Variants in MET observed in about 807,000 individuals in gnomAD.
The protein encoded by MET is MET proto-oncogene, receptor tyrosine kinase.
Under a neutral mutation model 133.1 loss-of-function variants are expected in MET, and 48 were observed. The observed-to-expected ratio is 0.36, with a 90% confidence interval of 0.29 to 0.46. The LOEUF is 0.46. Among genes scored for constraint, MET ranks in the 20% least tolerant of loss-of-function variants. The pLI is 1.00. For synonymous variants in MET, 628 were observed against 616.5 expected (o/e 1.02, Z -0.28); for missense variants, 1,442 against 1,695.9 (o/e 0.85, Z 2.63).
intron 2 of MET, among the ~76,000 whole-genome samples, chr7:116,716,469 G>GAAAGAAAGAAAGAAAGAAAGA (rs1792221244): frequency 5.5e-5 from 1 of 18,190 alleles, no homozygotes; most frequent in African/African-American, 3.0e-4. Flanking sequence ...GAAAGAAAGA[G>GAAAGAAAGAAAGAAAGAAAGA]AAAGAAAGAA....
At chr7:116,758,762 G>T in intron 9 of MET, 142 bp downstream of exon 9, 1 of 784,014 alleles carries the variant, frequency 1.3e-6, no homozygotes, top group Non-Finnish European at 2.1e-6. Context: ...CAATTCAGGA[G>T]AGAAAACTAT....
chr7:116,677,967 CTT>C lies in MET; in HGVS notation c.-15+5392_-15+5393del, dbSNP rs1299730672. On this transcript the variant is annotated intron_variant, in intron 1 of 20. Transcript: ENST00000397752. Reference sequence around the variant, plus strand: ...ATAAACTCCCCCTTTGGAATATTGTCTTTCTCTCTCTCTCTCTCTGTCTCTCT... The same window carrying C: ...ATAAACTCCCCCTTTGGAATATTGTCTCTCTCTCTCTCTCTCTGTCTCTCT... Among the ~76,000 whole-genome samples the C allele has an allele frequency of 8.6e-5, 8 of 93,392 alleles. No homozygotes were observed. The East Asian group carries it at 2.1e-3, about 24-fold the overall frequency. 61.3% of individuals were successfully genotyped at this position (93,392 alleles called of 152,430 possible).
chr7:116,716,960 C>G (rs1403933327), intron 2 of MET, among the ~76,000 whole-genome samples: 1 of 152,200 alleles, frequency 6.6e-6, no homozygotes, highest in African/African-American at 2.4e-5. Context: ...AATTTTGCCC[C>G]CCCCAGCTTT....
intron 2 of MET, among the ~76,000 whole-genome samples, chr7:116,725,268 A>G (rs1792697598): frequency 6.6e-6 from 1 of 152,158 alleles, no homozygotes; most frequent in Non-Finnish European, 1.5e-5. Context: ...CAAATGAGAT[A>G]ATGTACTTTG....
intron 5 of MET, among the ~76,000 whole-genome samples, chr7:116,745,102 T>C (rs1793616577): frequency 6.6e-6 from 1 of 152,224 alleles, no homozygotes; most frequent in Non-Finnish European, 1.5e-5. Flanking sequence ...AAATTCAATG[T>C]GCAAAAATCA....
rs371927164 is a variant in MET, at chr7:116,778,822, C to A, written c.3387C>A (p.Ile1129=). Residue 1129 remains isoleucine (I), a synonymous_variant, in exon 17 of 21, where the codon ATC becomes ATA. Transcript: ENST00000397752. ...GEVSQFLTEG[I]IMKDFSHPNV... ...TTTCCCAATTTCTGACCGAGGGAAT[C>A]ATCATGAAAGATTTTAGTCATCCCA... The A allele has an allele frequency of 1.9e-6, 3 of 1,614,054 alleles. No homozygotes were observed. The highest frequency in any genetic ancestry group is 2.7e-5 in the African/African-American group (2 of 75,054).
chr7:116,699,475 A>G lies in MET; in HGVS notation c.391A>G (p.Ile131Val), dbSNP rs1309236031. 1.2e-6 allele frequency: 2 copies of G among 1,613,844 alleles called. No homozygotes were observed. Among genetic ancestry groups the G allele is most frequent in the Non-Finnish European group, 1.7e-6 (2 of 1,179,894 alleles). Residue 131 changes from isoleucine to valine, a missense_variant, in exon 2 of 21, where the codon ATT becomes GTT. Physicochemically the swap from Ile to Val is conservative, Grantham distance 29. Transcript: ENST00000397752. ...VVDTYYDDQL[I>V]SCGSVNRGTC... Reference sequence around the variant, plus strand: ...CGACACCTACTATGATGATCAACTCATTAGCTGTGGCAGCGTCAACAGAGG... The same window carrying G: ...CGACACCTACTATGATGATCAACTCGTTAGCTGTGGCAGCGTCAACAGAGG...
chr7:116,757,614 G>C (rs1225408406), intron 7 of MET, 24 bp from the exon 8 acceptor site: 7 of 1,613,694 alleles, frequency 4.3e-6, no homozygotes, highest in Non-Finnish European at 5.9e-6. Context: ...AAGTTACTTT[G>C]TTTTGTTTTT....
chr7:116,703,101 A>C (rs533210775), intron 2 of MET, among the ~76,000 whole-genome samples: 3 of 152,116 alleles, frequency 2.0e-5, no homozygotes, highest in Non-Finnish European at 4.4e-5. Flanking sequence ...CTTCACCCAT[A>C]AGCTATTTGT....
chr7:116,780,385 T>C (rs1795122161), intron 17 of MET, among the ~76,000 whole-genome samples: 1 of 152,160 alleles, frequency 6.6e-6, no homozygotes, highest in African/African-American at 2.4e-5. Flanking sequence ...GAGATATTAC[T>C]CAGCCAAAAG....
At position 116,699,339 on chromosome 7, in the gene MET, G is replaced by A. The variant is rs1327946446; in HGVS notation, c.255G>A (p.Lys85=). The stretch of plus-strand genomic sequence containing the variant: ...ACCTTCAGAAGGTTGCTGAGTACAA[G>A]ACTGGGCCTGTGCTGGAACACCCAG... The part of the protein sequence containing the change: ...EEDLQKVAEY[K]TGPVLEHPDC... The change falls in exon 2 of 21, where the codon AAG becomes AAA. Residue 85 remains lysine, a synonymous_variant. Coordinates refer to ENST00000397752, the MANE Select transcript of MET (RefSeq NM_000245.4). The A allele has an allele frequency of 1.9e-6, 3 of 1,613,908 alleles. No individual in the cohort carries two copies. The highest frequency in any genetic ancestry group is 1.3e-5 in the African/African-American group (1 of 74,892).
chr7:116,731,808 A>G lies in MET; in HGVS notation c.1341A>G (p.Lys447=). The G allele has an allele frequency of 6.2e-7, 1 of 1,614,154 alleles. No homozygotes were observed. The highest frequency in any genetic ancestry group is 2.2e-5 in the East Asian group (1 of 44,890). The change falls in exon 3 of 21, where the codon AAA becomes AAG. Residue 447 remains lysine (K), a synonymous_variant. Coordinates refer to ENST00000397752, the MANE Select transcript of MET (RefSeq NM_000245.4). ...VLLTSISTFI[K]GDLTIANLGT... ...TAACATCTATATCCACCTTCATTAA[A>G]GGAGACCTCACCATAGCTAATCTTG... is the stretch of plus-strand genomic sequence containing the variant.
At chr7:116,751,589 T>C (rs751962456) in intron 5 of MET, among the ~76,000 whole-genome samples, 1 of 152,214 alleles carries the variant, frequency 6.6e-6, no homozygotes, top group Non-Finnish European at 1.5e-5. Context: ...TGATGTTCAG[T>C]GGCTAAAATT....
At chr7:116,702,756 T>A (rs1305594217) in intron 2 of MET, among the ~76,000 whole-genome samples, 1 of 152,174 alleles carries the variant, frequency 6.6e-6, no homozygotes, top group Non-Finnish European at 1.5e-5. Context: ...GCTGCAGCAG[T>A]AACTTTCTAC....
At chr7:116,777,341 C>A (rs2117039291) in intron 15 of MET, 48 bp from the exon 16 acceptor site, 1 of 1,386,170 alleles carries the variant, frequency 7.2e-7, no homozygotes, top group Non-Finnish European at 1.0e-6. Context: ...ATAATTATTT[C>A]ATAATTAAAT....
At position 116,796,995 on chromosome 7, in the gene MET, A is replaced by T. The variant is rs545051967; in HGVS notation, c.*871A>T. ...AATACAGTCAAAGTTTCAAAATAGC[A>T]TCACACAAAACATGTTTATAAATGA... On this transcript the variant is annotated 3_prime_UTR_variant, in exon 21 of 21. Coordinates refer to ENST00000397752, the MANE Select transcript of MET (RefSeq NM_000245.4). The T allele has an allele frequency of 5.5e-6, 1 of 182,492 alleles. No individual in the cohort carries two copies. The highest frequency in any genetic ancestry group is 9.0e-5 in the East Asian group (1 of 11,102). The allele number at this position is 182,492 out of a possible 1,614,324, so 11.3% of individuals were successfully genotyped here. A position where few individuals can be genotyped will look rare whatever the true frequency, so the allele number is the denominator to read the frequency against.
chr7:116,796,362 A>G lies in MET; in HGVS notation c.*238A>G, dbSNP rs1221926046. On this transcript the variant is annotated 3_prime_UTR_variant, in exon 21 of 21. Transcript: ENST00000397752. The stretch of plus-strand genomic sequence containing the variant: ...CTGCAGCCGTGACAACACTCCTGTC[A>G]TATTGGAGTCCAAAACTTGAATTCT... 3 of 551,944 alleles carry G rather than the reference A, an allele frequency of 5.4e-6. No individual in the cohort carries two copies. Among genetic ancestry groups the G allele is most frequent in the East Asian group, 3.0e-5 (1 of 32,984 alleles). The allele number at this position is 551,944 out of a possible 1,614,324, so 34.2% of individuals were successfully genotyped here.
At chr7:116,721,131 T>C (rs1792468059) in intron 2 of MET, among the ~76,000 whole-genome samples, 1 of 152,222 alleles carries the variant, frequency 6.6e-6, no homozygotes, top group African/African-American at 2.4e-5. Context: ...TCTTTTTGGT[T>C]GGTAAACTAT....
intron 2 of MET, among the ~76,000 whole-genome samples, chr7:116,729,820 G>A (rs920113030): frequency 1.8e-4 from 28 of 152,052 alleles, no homozygotes; most frequent in African/African-American, 5.6e-4. Flanking sequence ...TAATAATATA[G>A]TTTTATATCT....
Sources: gnomAD v4.1 joint callset for allele counts (sites outside exome capture counted in the v4.1 genomes callset) on GRCh38, gnomAD v4.1.1 for gene constraint, MANE v1.5 for transcripts, NCBI Gene and HGNC (gene_info 2026-07-23, HGNC 2026-07-21) for gene names.